JADE3: variants seen among roughly 807,000 people sequenced by gnomAD.
JADE3 encodes the protein jade family PHD finger 3, also known as protein Jade-3.
In JADE3, 2 loss-of-function variants were observed where a neutral mutation model predicts 50.1. That is an observed-to-expected ratio of 0.04 (90% confidence interval 0.02 to 0.13). The LOEUF (loss-of-function observed/expected upper bound fraction) is 0.13, where lower values mean the gene tolerates loss of function less well. Among genes scored for constraint, JADE3 ranks in the 10% least tolerant of loss-of-function variants. The pLI, the probability that JADE3 is intolerant of heterozygous loss-of-function variation, is 1.00. For synonymous variants in JADE3, 218 were observed against 232.9 expected (o/e 0.94, Z 0.58); for missense variants, 475 against 634.4 (o/e 0.75, Z 2.70).
intron 6 of JADE3, among the ~76,000 whole-genome samples, chrX:47,030,345 C>G (rs1556366457): frequency 9.0e-6 from 1 of 111,026 alleles, no homozygotes; most frequent in East Asian, 2.8e-4. Context: ...TAAATGATAC[C>G]CCTTTCTCAC....
At position 47,058,741 on chromosome X, in the gene JADE3, T is replaced by G; in HGVS notation, c.2136T>G (p.Phe712Leu). 8.3e-7 allele frequency: 1 copy of G among 1,210,037 alleles called. No homozygotes were observed. The highest frequency in any genetic ancestry group is 1.1e-6 in the Non-Finnish European group (1 of 894,143). ...GSFRKSTVEHFSRSFKETTNR... is the reference protein window; with the variant it reads ...GSFRKSTVEHLSRSFKETTNR... Reference sequence around the variant, plus strand: ...TTAGAAAATCCACTGTAGAACACTTTAGTAGGTCCTTTAAAGAGACCACCA... The same window carrying G: ...TTAGAAAATCCACTGTAGAACACTTGAGTAGGTCCTTTAAAGAGACCACCA... The change falls in exon 11 of 11, where the codon TTT becomes TTG. Residue 712 changes from phenylalanine to leucine, a missense_variant. Physicochemically the swap from Phe to Leu is conservative, Grantham distance 22. Around this residue, in one of 6 missense-constraint regions of JADE3, gnomAD observed 243 missense variants for 238.2 expected, o/e 1.02. Transcript: ENST00000614628.
chrX:46,932,212 C>T (rs1287826720), intron 1 of JADE3, among the ~76,000 whole-genome samples: 4 of 111,938 alleles, frequency 3.6e-5, no homozygotes, highest in Non-Finnish European at 5.6e-5. Context: ...CATTGGCTGA[C>T]GGGCCCACCC....
intron 1 of JADE3, among the ~76,000 whole-genome samples, chrX:46,958,804 GTC>G (rs1423037567): frequency 4.5e-5 from 5 of 111,980 alleles, no homozygotes; most frequent in African/African-American, 1.6e-4. Context: ...GGAGATTTTT[GTC>G]TCTCTGTAGC....
chrX:46,977,246 G>A (rs1013580843), intron 1 of JADE3, among the ~76,000 whole-genome samples: 5 of 111,383 alleles, frequency 4.5e-5, no homozygotes, highest in African/African-American at 1.6e-4. Flanking sequence ...TGTAATTCCA[G>A]CTACTCAGGG....
chrX:46,985,553 G>T lies in JADE3; in HGVS notation c.47-160G>T, dbSNP rs781820816. On this transcript the variant is annotated intron_variant, in intron 2 of 10. Coordinates refer to ENST00000614628, the MANE Select transcript of JADE3 (RefSeq NM_014735.5). ...AAATGTCACTAAACTCCATTATGAG[G>T]CACTCTTCAGTGCAGTTTGACTGTT... 1.1e-4 allele frequency among the ~76,000 whole-genome samples: 12 copies of T among 111,984 alleles called. No individual in the cohort carries two copies. The South Asian group carries it at 4.4e-3, about 41-fold the overall frequency.
intron 1 of JADE3, among the ~76,000 whole-genome samples, chrX:46,965,524 C>CT (rs1927348641): frequency 9.0e-6 from 1 of 111,604 alleles, no homozygotes; most frequent in Non-Finnish European, 1.9e-5. Context: ...ACAGGCCACT[C>CT]TGAGAGCATA....
At chrX:46,960,472 C>A (rs1927235632) in intron 1 of JADE3, among the ~76,000 whole-genome samples, 1 of 111,825 alleles carries the variant, frequency 8.9e-6, no homozygotes, top group African/African-American at 3.3e-5. Context: ...TCAGAGGGTG[C>A]CTATGTGACC....
intron 1 of JADE3, among the ~76,000 whole-genome samples, chrX:46,933,884 G>T (rs1602374104): frequency 9.0e-6 from 1 of 110,992 alleles, no homozygotes; most frequent in East Asian, 2.8e-4. Context: ...AAAAAAAAAT[G>T]CTGGGCTAAT....
chrX:47,049,181 C>CTTTT (rs376747614), intron 8 of JADE3, among the ~76,000 whole-genome samples: 34 of 77,498 alleles, frequency 4.4e-4, no homozygotes, highest in East Asian at 8.3e-4. Flanking sequence ...CTTTCTTCTT[C>CTTTT]TTTTTTTTTT....
chrX:47,050,440 T>C (rs1478977385), intron 8 of JADE3, among the ~76,000 whole-genome samples: 1 of 111,700 alleles, frequency 9.0e-6, no homozygotes, highest in Admixed American at 9.5e-5. Context: ...TACCCTTCTG[T>C]TAACTGTCGT....
chrX:46,916,541 T>C (rs376128687), intron 1 of JADE3, among the ~76,000 whole-genome samples: 8 of 111,027 alleles, frequency 7.2e-5, no homozygotes, highest in African/African-American at 2.6e-4. Context: ...TAGAAATCAT[T>C]ATCGATTGTA....
intron 6 of JADE3, among the ~76,000 whole-genome samples, chrX:47,030,306 A>G (rs1928989329): frequency 9.0e-6 from 1 of 111,613 alleles, no homozygotes; most frequent in African/African-American, 3.3e-5. Flanking sequence ...GCTATTTATT[A>G]GTCTTAAAAA....
intron 1 of JADE3, among the ~76,000 whole-genome samples, chrX:46,918,291 G>T (rs782653515): frequency 8.9e-6 from 1 of 112,054 alleles, no homozygotes; most frequent in East Asian, 2.8e-4. Context: ...GAACTATCGA[G>T]TATAAGACTT....
intron 1 of JADE3, among the ~76,000 whole-genome samples, chrX:46,915,040 C>T (rs960104510): frequency 8.9e-6 from 1 of 112,157 alleles, no homozygotes. Context: ...CTCTTGTGTT[C>T]CACCAACCAT....
At chrX:46,924,258 G>A (rs1327902571) in intron 1 of JADE3, among the ~76,000 whole-genome samples, 1 of 111,644 alleles carries the variant, frequency 9.0e-6, no homozygotes, top group Non-Finnish European at 1.9e-5. Context: ...TTGTAAGAGT[G>A]TAGCAACCTC....
At chrX:46,944,157 T>G (rs1162596212) in intron 1 of JADE3, among the ~76,000 whole-genome samples, 1 of 110,752 alleles carries the variant, frequency 9.0e-6, no homozygotes, top group Non-Finnish European at 1.9e-5. Flanking sequence ...AACCAACTTT[T>G]TGTTAATTCT....
chrX:46,978,502 T>A (rs1927673155), intron 1 of JADE3, among the ~76,000 whole-genome samples: 2 of 111,201 alleles, frequency 1.8e-5, no homozygotes, highest in African/African-American at 6.5e-5. Context: ...GGAGGAATTG[T>A]AGGTAGAAGG....
At chrX:47,039,128 G>T in intron 8 of JADE3, 63 bp downstream of exon 8, 1 of 568,199 alleles carries the variant, frequency 1.8e-6, no homozygotes, top group Non-Finnish European at 3.0e-6. Flanking sequence ...CACCCTCCCA[G>T]TGAGAGTGTC....
intron 3 of JADE3, among the ~76,000 whole-genome samples, chrX:46,990,990 T>C (rs1226485987): frequency 9.6e-6 from 1 of 104,470 alleles, no homozygotes. Flanking sequence ...CATAGTGTTT[T>C]CACCTCTCAT....
Sources: gnomAD v4.1 joint callset for allele counts (sites outside exome capture counted in the v4.1 genomes callset) on GRCh38, gnomAD v4.1.1 for gene constraint, gnomAD v4.1.1 regional missense constraint, MANE v1.5 for transcripts, NCBI Gene and HGNC (gene_info 2026-07-23, HGNC 2026-07-21) for gene names.